AGPS: variants seen among roughly 807,000 people sequenced by gnomAD.
The protein encoded by AGPS is alkylglycerone phosphate synthase.
Under a neutral mutation model 90.7 loss-of-function variants are expected in AGPS, and 26 were observed. The ratio of observed to expected loss-of-function variants is 0.29; its 90% CI spans 0.21 to 0.40. The LOEUF (loss-of-function observed/expected upper bound fraction) is 0.40. Ranked by LOEUF, AGPS falls within the 10% of genes least tolerant of loss-of-function variation. AGPS has a pLI of 1.00. For synonymous variants in AGPS, 294 were observed against 285.3 expected (o/e 1.03, Z -0.31); for missense variants, 540 against 816.1 (o/e 0.66, Z 4.12).
intron 2 of AGPS, among the ~76,000 whole-genome samples, chr2:177,429,549 T>G (rs1012200915): frequency 6.6e-6 from 1 of 152,244 alleles, no homozygotes; most frequent in Non-Finnish European, 1.5e-5. Flanking sequence ...TTTGTTTTTC[T>G]TTTAACAGGC....
At chr2:177,532,507 C>T (rs2079147448) in intron 19 of AGPS, among the ~76,000 whole-genome samples, 1 of 152,132 alleles carries the variant, frequency 6.6e-6, no homozygotes, top group Non-Finnish European at 1.5e-5. Context: ...TCGTACATTG[C>T]TTGGGGGAAT....
intron 14 of AGPS, 32 bp from the exon 15 acceptor site, chr2:177,505,474 A>C (rs1265156272): frequency 6.3e-7 from 1 of 1,588,932 alleles, no homozygotes; most frequent in Non-Finnish European, 8.6e-7. Context: ...TTAAGATAAA[A>C]AATTTATTAA....
At chr2:177,522,702 C>A (rs1266475240) in intron 18 of AGPS, among the ~76,000 whole-genome samples, 1 of 152,182 alleles carries the variant, frequency 6.6e-6, no homozygotes, top group Non-Finnish European at 1.5e-5. Context: ...GATCCACCCA[C>A]CTTGGCCTCC....
chr2:177,441,141 T>C, intron 6 of AGPS, 105 bp downstream of exon 6: 1 of 1,000,474 alleles, frequency 1.0e-6, no homozygotes, highest in Non-Finnish European at 1.5e-6. Flanking sequence ...ATTATTGTAA[T>C]TGTGATGTGG....
chr2:177,450,036 A>G (rs1400695527), intron 8 of AGPS, among the ~76,000 whole-genome samples: 1 of 151,818 alleles, frequency 6.6e-6, no homozygotes, highest in Admixed American at 6.6e-5. Flanking sequence ...ACGGGTTTTC[A>G]CCGCGTTAGC....
intron 9 of AGPS, among the ~76,000 whole-genome samples, chr2:177,463,538 G>T (rs1035514990): frequency 6.6e-6 from 1 of 151,968 alleles, no homozygotes; most frequent in African/African-American, 2.4e-5. Flanking sequence ...CAATATCTTT[G>T]TTATTAGGAA....
intron 1 of AGPS, among the ~76,000 whole-genome samples, chr2:177,412,443 T>A (rs116211621): frequency 0.018 from 2,748 of 152,148 alleles, 80 homozygotes; most frequent in African/African-American, 0.062. Flanking sequence ...AGATCAATGC[T>A]CCCAACCCAG....
intron 11 of AGPS, among the ~76,000 whole-genome samples, chr2:177,487,600 A>C (rs1261256846): frequency 6.6e-6 from 1 of 152,182 alleles, no homozygotes; most frequent in Non-Finnish European, 1.5e-5. Flanking sequence ...TTTAGCACTT[A>C]CCTTATAAAA....
chr2:177,392,905 G>A lies in AGPS; in HGVS notation c.116G>A (p.Arg39Gln). 6.4e-7 allele frequency: 1 copy of A among 1,550,520 alleles called. No homozygotes were observed. Among genetic ancestry groups the A allele is most frequent in the Non-Finnish European group, 8.7e-7 (1 of 1,147,256 alleles). ...PDPDRAGRRL[R>Q]VLSGHLLGRP... The stretch of plus-strand genomic sequence containing the variant: ...CCGGACCGCGCCGGGCGGAGGCTGC[G>A]GGTTCTCTCTGGCCATCTGCTGGGC... Residue 39 changes from arginine to glutamine, a missense_variant, in exon 1 of 20, where the codon CGG (arginine) becomes CAG (glutamine). Physicochemically the swap from Arg to Gln is conservative, Grantham distance 43 (BLOSUM62 1). Transcript: ENST00000264167.
At chr2:177,501,147 C>T (rs1460205540) in intron 14 of AGPS, among the ~76,000 whole-genome samples, 3 of 152,034 alleles carry the variant, frequency 2.0e-5, no homozygotes, top group Admixed American at 2.0e-4. Flanking sequence ...TTCATAATTT[C>T]TAAGAAGGGC....
chr2:177,511,809 G>A (rs1423825410), intron 16 of AGPS, among the ~76,000 whole-genome samples: 3 of 152,176 alleles, frequency 2.0e-5, no homozygotes, highest in Admixed American at 1.3e-4. Flanking sequence ...TACTGAAAGT[G>A]TCCCATTGTG....
chr2:177,497,816 T>G (rs1392025014), intron 13 of AGPS, 51 bp downstream of exon 13: 1 of 1,000,058 alleles, frequency 1.0e-6, no homozygotes, highest in South Asian at 1.5e-5. Context: ...GATATCTGTT[T>G]TCTGCTTTCT....
At chr2:177,417,707 A>C (rs1685826489) in intron 1 of AGPS, among the ~76,000 whole-genome samples, 1 of 152,118 alleles carries the variant, frequency 6.6e-6, no homozygotes, top group Admixed American at 6.5e-5. Flanking sequence ...TGAGCAATTG[A>C]ACTGGATGGG....
chr2:177,522,284 G>A (rs1010854622), intron 18 of AGPS, among the ~76,000 whole-genome samples: 2 of 152,170 alleles, frequency 1.3e-5, no homozygotes, highest in African/African-American at 2.4e-5. Flanking sequence ...TGTCCCTTCT[G>A]TACAGTACCA....
At chr2:177,461,792 A>G (rs1687300539) in intron 8 of AGPS, 101 bp from the exon 9 acceptor site, 13 of 1,037,822 alleles carry the variant, frequency 1.3e-5, no homozygotes, top group South Asian at 8.6e-5. Flanking sequence ...AAATTCAAAT[A>G]TCAATGACAT....
intron 16 of AGPS, among the ~76,000 whole-genome samples, chr2:177,512,171 A>G (rs935193812): frequency 6.6e-6 from 1 of 151,958 alleles, no homozygotes; most frequent in Non-Finnish European, 1.5e-5. Flanking sequence ...AGCTTAATAG[A>G]TTTTATTTAT....
chr2:177,491,429 C>CTTT lies in AGPS; in HGVS notation c.1234-1702_1234-1700dup, dbSNP rs1051275473. On this transcript the variant is annotated intron_variant, in intron 11 of 19. Transcript: ENST00000264167. ...GTGTGCCACCATGTCTGACTAATTT[C>CTTT]TTTTTTTTTTTTTTTTTTTGTATTT... 2.3e-4 allele frequency among the ~76,000 whole-genome samples: 27 copies of CTTT among 118,236 alleles called. 1 individual carries two copies. The highest frequency in any genetic ancestry group is 7.1e-4 in the African/African-American group (22 of 31,134). The allele number at this position is 118,236 out of a possible 152,430, so 77.6% of individuals were successfully genotyped here. A position where few individuals can be genotyped will look rare whatever the true frequency, so the allele number is the denominator to read the frequency against.
intron 11 of AGPS, among the ~76,000 whole-genome samples, chr2:177,485,506 A>T (rs972423713): frequency 2.6e-5 from 4 of 152,224 alleles, no homozygotes; most frequent in African/African-American, 4.8e-5. Flanking sequence ...GTGCTATTGA[A>T]AAGCAAGTAT....
chr2:177,471,209 C>T (rs1687615652), intron 10 of AGPS, among the ~76,000 whole-genome samples: 1 of 152,110 alleles, frequency 6.6e-6, no homozygotes, highest in South Asian at 2.1e-4. Flanking sequence ...TTTGACCTAC[C>T]TGTGTAATAA....
Sources: gnomAD v4.1 joint callset for allele counts (sites outside exome capture counted in the v4.1 genomes callset) on GRCh38, gnomAD v4.1.1 for gene constraint, MANE v1.5 for transcripts, NCBI Gene and HGNC (gene_info 2026-07-23, HGNC 2026-07-21) for gene names.